CNNM1: variants seen among roughly 807,000 people sequenced by gnomAD.
CNNM1 encodes cyclin and CBS domain divalent metal cation transport mediator 1.
CNNM1 carries 44 observed loss-of-function variants against 78.8 expected under a neutral mutation model. The ratio of observed to expected loss-of-function variants is 0.56; its 90% CI spans 0.44 to 0.72. The LOEUF is 0.72. Ranked by LOEUF, CNNM1 falls within the 30% of genes least tolerant of loss-of-function variation. The pLI, the probability that CNNM1 is intolerant of heterozygous loss-of-function variation, is 0.00. For synonymous variants in CNNM1, 584 were observed against 581.5 expected (o/e 1.00, Z -0.06); for missense variants, 1,101 against 1,292.2 (o/e 0.85, Z 2.27).
chr10:99,343,054 C>T (rs2030524897), intron 1 of CNNM1, among the ~76,000 whole-genome samples: 4 of 152,028 alleles, frequency 2.6e-5, no homozygotes, highest in Admixed American at 2.6e-4. Context: ...CAACCTCCAC[C>T]TCCCGGTTTC....
In CNNM1 at chr10:99,357,660, G is replaced by A; in HGVS notation, c.1717+5G>A. On this transcript the variant is annotated splice_donor_5th_base_variant and intron_variant, in intron 2 of 10. Transcript: ENST00000356713. ...TGGATGAAACTGATCTCTACAGTAAGTGCACGGCCTTGGCTGTTCTCCAGG... is the reference window on the plus strand; with the variant it reads ...TGGATGAAACTGATCTCTACAGTAAATGCACGGCCTTGGCTGTTCTCCAGG... 1.9e-6 allele frequency: 3 copies of A among 1,603,640 alleles called. No individual in the cohort carries two copies. Among genetic ancestry groups the A allele is most frequent in the Non-Finnish European group, 2.6e-6 (3 of 1,174,966 alleles).
At chr10:99,384,011 C>T (rs927000306) in intron 7 of CNNM1, among the ~76,000 whole-genome samples, 3 of 152,162 alleles carry the variant, frequency 2.0e-5, no homozygotes, top group Admixed American at 1.3e-4. Flanking sequence ...TTTAACTAAT[C>T]ACATGATGAT....
Position 99,347,576 on chromosome 10 carries a change from A to AAC in CNNM1, c.1574-9914_1574-9913dup, listed in dbSNP as rs57477706. On this transcript the variant is annotated intron_variant, in intron 1 of 10. Coordinates refer to ENST00000356713, the MANE Select transcript of CNNM1 (RefSeq NM_020348.3). ...AAGTCAGATCATGTCACCTTTTTGC[A>AAC]ACACACACACACACACACACACAAA... is the stretch of plus-strand genomic sequence containing the variant. Among the ~76,000 whole-genome samples, 222 of 140,898 alleles carry AAC rather than the reference A, an allele frequency of 1.6e-3. 2 individuals are homozygous for AAC. The highest frequency in any genetic ancestry group is 0.014 in the Middle Eastern group (4 of 276). 92.4% of individuals were successfully genotyped at this position (140,898 alleles called of 152,430 possible). A position where few individuals can be genotyped will look rare whatever the true frequency, so the allele number is the denominator to read the frequency against.
intron 6 of CNNM1, among the ~76,000 whole-genome samples, chr10:99,370,748 C>T (rs550724141): frequency 2.6e-5 from 4 of 152,110 alleles, no homozygotes; most frequent in Non-Finnish European, 5.9e-5. Context: ...TTTTACTTTG[C>T]AAAATGTGCT....
In CNNM1 at chr10:99,393,516, GACAA is replaced by G. The variant is rs1345755818; in HGVS notation, c.*2006_*2009del. ...GACCTACAAAGAGTTAAAACAAACA[GACAA>G]ACAAAAAAAAACACTACTATTTTAA... On this transcript the variant is annotated 3_prime_UTR_variant, in exon 11 of 11. Coordinates refer to ENST00000356713, the MANE Select transcript of CNNM1 (RefSeq NM_020348.3). 6.6e-6 allele frequency: 1 copy of G among 152,196 alleles called. No individual in the cohort carries two copies. Among genetic ancestry groups the G allele is most frequent in the African/African-American group, 2.4e-5 (1 of 41,336 alleles). 9.4% of individuals were successfully genotyped at this position (152,196 alleles called of 1,614,324 possible). A position where few individuals can be genotyped will look rare whatever the true frequency, so the allele number is the denominator to read the frequency against.
intron 7 of CNNM1, among the ~76,000 whole-genome samples, chr10:99,381,547 C>T (rs1185049516): frequency 1.3e-5 from 2 of 151,924 alleles, no homozygotes; most frequent in Non-Finnish European, 1.5e-5. Context: ...TTCAAGACCA[C>T]TCTGGCCAAC....
chr10:99,367,957 A>G (rs761047457), intron 6 of CNNM1, among the ~76,000 whole-genome samples: 4 of 152,212 alleles, frequency 2.6e-5, no homozygotes, highest in Non-Finnish European at 5.9e-5. Flanking sequence ...GAGAAGGACA[A>G]TGGAACGGAG....
intron 7 of CNNM1, 155 bp downstream of exon 7, chr10:99,377,373 A>G: frequency 1.5e-6 from 1 of 678,688 alleles, no homozygotes; most frequent in South Asian, 2.0e-5. Flanking sequence ...CTGGCTGTAT[A>G]AAGGCTGTTT....
intron 7 of CNNM1, among the ~76,000 whole-genome samples, chr10:99,385,758 G>T (rs2032287284): frequency 6.6e-6 from 1 of 152,200 alleles, no homozygotes; most frequent in Admixed American, 6.5e-5. Context: ...TTTGGCCAAG[G>T]TCTCCCAGCT....
chr10:99,363,666 G>A (rs948059844), intron 4 of CNNM1, among the ~76,000 whole-genome samples: 9 of 151,446 alleles, frequency 5.9e-5, no homozygotes, highest in African/African-American at 2.2e-4. Flanking sequence ...GTCCATGCAT[G>A]CTATGCATTA....
At chr10:99,362,538 C>A in intron 4 of CNNM1, 142 bp downstream of exon 4, 2 of 762,744 alleles carry the variant, frequency 2.6e-6, no homozygotes, top group Non-Finnish European at 2.1e-6. Context: ...GACATTTCTT[C>A]ATGACCCACA....
chr10:99,379,688 A>C (rs1169040893), intron 7 of CNNM1, among the ~76,000 whole-genome samples: 1 of 141,800 alleles, frequency 7.1e-6, no homozygotes, highest in Non-Finnish European at 1.5e-5. Context: ...TATGTTTCCC[A>C]GACTGGTCTC....
rs774884120 is a variant in CNNM1 at position 99,329,729 on chromosome 10, C to A, written c.342C>A (p.Gly114=). 2 of 1,515,280 alleles carry A rather than the reference C, an allele frequency of 1.3e-6. No homozygotes were observed. The highest frequency in any genetic ancestry group is 2.0e-5 in the Admixed American group (1 of 49,218). 93.9% of individuals were successfully genotyped at this position (1,515,280 alleles called of 1,614,324 possible). Residue 114 remains glycine, a synonymous_variant, in exon 1 of 11, where the codon GGC becomes GGA. Transcript: ENST00000356713. ...PRLVFIEEPP[G]GGGVAPSAVP... is the part of the protein sequence containing the mutation. ...TCGTGTTCATCGAGGAGCCCCCGGG[C>A]GGTGGCGGCGTGGCCCCCAGCGCGG...
At chr10:99,377,288 G>A (rs2032003839) in intron 7 of CNNM1, 70 bp downstream of exon 7, 3 of 1,440,560 alleles carry the variant, frequency 2.1e-6, no homozygotes, top group Non-Finnish European at 2.9e-6. Context: ...GGGACAAGAA[G>A]ACTACCCCCA....
Position 99,329,890 on chromosome 10 carries a change from G to C in CNNM1, c.503G>C (p.Arg168Pro). The C allele has an allele frequency of 7.2e-7, 1 of 1,393,098 alleles. No individual in the cohort carries two copies. Among genetic ancestry groups the C allele is most frequent in the Non-Finnish European group, 9.2e-7 (1 of 1,081,340 alleles). The allele number at this position is 1,393,098 out of a possible 1,614,324, so 86.3% of individuals were successfully genotyped here. A position where few individuals can be genotyped will look rare whatever the true frequency, so the allele number is the denominator to read the frequency against. The change falls in exon 1 of 11, where the codon CGC (arginine) becomes CCC (proline). Residue 168 changes from arginine to proline, a missense_variant. Arg to Pro is a moderately radical substitution (Grantham distance 103). Coordinates refer to ENST00000356713, the MANE Select transcript of CNNM1 (RefSeq NM_020348.3). ...ALVQVRVREL[R>P]KGEAERGGAG... ...GTCCAGGTGCGAGTGCGGGAGCTGC[G>C]CAAGGGCGAAGCGGAGCGGGGCGGC...
chr10:99,374,143 T>C (rs2031893473), intron 6 of CNNM1, among the ~76,000 whole-genome samples: 1 of 152,220 alleles, frequency 6.6e-6, no homozygotes, highest in Non-Finnish European at 1.5e-5. Context: ...ATCAGTTTGT[T>C]TTCAAGGAAT....
chr10:99,344,541 T>A (rs1470920640), intron 1 of CNNM1, among the ~76,000 whole-genome samples: 2 of 152,210 alleles, frequency 1.3e-5, no homozygotes, highest in South Asian at 2.1e-4. Flanking sequence ...AAACTGTATA[T>A]AATAAGAAAA....
chr10:99,361,973 A>G (rs2031447828), intron 3 of CNNM1, among the ~76,000 whole-genome samples: 1 of 152,258 alleles, frequency 6.6e-6, no homozygotes, highest in Non-Finnish European at 1.5e-5. Context: ...ACATTTCCAA[A>G]TGGAGACCTG....
At chr10:99,352,503 A>G (rs1462307103) in intron 1 of CNNM1, among the ~76,000 whole-genome samples, 2 of 152,166 alleles carry the variant, frequency 1.3e-5, no homozygotes, top group South Asian at 2.1e-4. Flanking sequence ...GAGAGGTTCA[A>G]TTTTTTCTGC....
Sources: allele counts gnomAD v4.1 joint callset (sites outside exome capture counted in the v4.1 genomes callset), GRCh38; gene constraint gnomAD v4.1.1; transcripts MANE v1.5; gene names NCBI Gene and HGNC (gene_info 2026-07-23, HGNC 2026-07-21).